The following CNBD1 variants were observed in gnomAD, a reference collection of about 807,000 sequenced individuals.
CNBD1 encodes the protein cyclic nucleotide binding domain containing 1.
In CNBD1, 71 loss-of-function variants were observed where a neutral mutation model predicts 54.4. The observed-to-expected ratio is 1.30, with a 90% confidence interval of 1.08 to 1.59. The LOEUF (loss-of-function observed/expected upper bound fraction) is 1.59, where lower values mean the gene tolerates loss of function less well. Among genes scored for constraint, CNBD1 ranks in the 40% most tolerant of loss-of-function variants. The pLI is 0.00. For synonymous variants in CNBD1, 182 were observed against 170.7 expected (o/e 1.07, Z -0.51); for missense variants, 659 against 518.0 (o/e 1.27, Z -2.64).
intron 10 of CNBD1, among the ~76,000 whole-genome samples, chr8:87,371,575 G>A (rs1563574247): frequency 1.3e-5 from 2 of 151,922 alleles, no homozygotes; most frequent in South Asian, 2.1e-4. Context: ...TAACATTGAT[G>A]CAGAAATCCT....
intron 6 of CNBD1, among the ~76,000 whole-genome samples, chr8:87,258,683 C>A (rs1435779039): frequency 1.3e-5 from 2 of 152,100 alleles, no homozygotes; most frequent in African/African-American, 4.8e-5. Flanking sequence ...ATGTCAACCC[C>A]AATTTTCAGT....
intron 10 of CNBD1, among the ~76,000 whole-genome samples, chr8:87,354,675 T>A (rs547694645): frequency 6.6e-6 from 1 of 151,950 alleles, no homozygotes; most frequent in Non-Finnish European, 1.5e-5. Flanking sequence ...TTTGTCCTTG[T>A]GATAGTTTGC....
intron 3 of CNBD1, among the ~76,000 whole-genome samples, chr8:86,937,165 G>A (rs1809563912): frequency 6.6e-6 from 1 of 152,146 alleles, no homozygotes; most frequent in African/African-American, 2.4e-5. Flanking sequence ...CATCTTACAT[G>A]GCAGCAGGCA....
chr8:87,026,103 A>G lies in CNBD1; in HGVS notation c.431+86349A>G, dbSNP rs190323614. 6.6e-5 allele frequency among the ~76,000 whole-genome samples: 10 copies of G among 152,234 alleles called. No homozygotes were observed. The East Asian group carries it at 1.9e-3, about 29-fold the overall frequency. ...GGTCAAATGTTTTGCTTATTTTTTG[A>G]ATTAGAAGAAATAAATGCCACAGAA... On this transcript the variant is annotated intron_variant, in intron 4 of 10. Transcript: ENST00000518476.
intron 8 of CNBD1, among the ~76,000 whole-genome samples, chr8:87,327,348 G>A (rs993747110): frequency 1.1e-4 from 16 of 150,982 alleles, no homozygotes; most frequent in South Asian, 2.1e-4. Context: ...CGAGCTTCCC[G>A]GCTGCTTTGT....
chr8:87,295,153 C>T (rs187314708), intron 8 of CNBD1, among the ~76,000 whole-genome samples: 2 of 151,836 alleles, frequency 1.3e-5, no homozygotes, highest in East Asian at 1.9e-4. Context: ...ACCAGAGAAG[C>T]TTTAATAATT....
intron 5 of CNBD1, among the ~76,000 whole-genome samples, chr8:87,222,154 C>T (rs185924601): frequency 4.6e-5 from 7 of 151,910 alleles, no homozygotes; most frequent in South Asian, 2.1e-4. Flanking sequence ...CATCTAAGGG[C>T]CTGAGAAGAA....
At chr8:87,400,221 G>T (rs1178834743) in intron 2 of CNBD1, among the ~76,000 whole-genome samples, 1 of 151,920 alleles carries the variant, frequency 6.6e-6, no homozygotes, top group East Asian at 1.9e-4. Flanking sequence ...TATGGTTGGT[G>T]CAAAGGTAAT....
At chr8:86,958,578 G>C (rs59978274) in intron 4 of CNBD1, among the ~76,000 whole-genome samples, 22 of 152,126 alleles carry the variant, frequency 1.4e-4, no homozygotes, top group Non-Finnish European at 2.8e-4. Flanking sequence ...TTTACCATTA[G>C]GTAACGGCCT....
intron 4 of CNBD1, among the ~76,000 whole-genome samples, chr8:87,152,526 T>C (rs1341728402): frequency 6.6e-6 from 1 of 151,916 alleles, no homozygotes; most frequent in Non-Finnish European, 1.5e-5. Context: ...AAAGTCATCC[T>C]GGGCTGCATG....
chr8:87,052,800 G>A (rs1308937366), intron 4 of CNBD1, among the ~76,000 whole-genome samples: 2 of 152,186 alleles, frequency 1.3e-5, no homozygotes, highest in Non-Finnish European at 2.9e-5. Flanking sequence ...TCAAATACTT[G>A]GGTTACTTTT....
At chr8:87,079,835 AT>A (rs1810950099) in intron 4 of CNBD1, among the ~76,000 whole-genome samples, 1 of 152,100 alleles carries the variant, frequency 6.6e-6, no homozygotes, top group Admixed American at 6.5e-5. Context: ...ATAAAGTTTA[AT>A]TTTTCAGGGT....
chr8:87,300,069 A>G (rs189667218), intron 8 of CNBD1, among the ~76,000 whole-genome samples: 1 of 152,332 alleles, frequency 6.6e-6, no homozygotes. Context: ...TTAACCTGGC[A>G]AATGTTAACA....
chr8:87,407,345 C>G (rs549144224), intron 2 of CNBD1, among the ~76,000 whole-genome samples: 2 of 151,730 alleles, frequency 1.3e-5, no homozygotes. Context: ...GTACTCAGTA[C>G]TTAGTTTATT....
At chr8:87,061,811 A>T (rs537821007) in intron 4 of CNBD1, among the ~76,000 whole-genome samples, 2 of 152,334 alleles carry the variant, frequency 1.3e-5, no homozygotes, top group South Asian at 2.1e-4. Flanking sequence ...TAGTTATTTT[A>T]AAAAAGGAGC....
At chr8:87,035,093 A>G (rs1160206451) in intron 4 of CNBD1, among the ~76,000 whole-genome samples, 6 of 152,030 alleles carry the variant, frequency 3.9e-5, no homozygotes, top group South Asian at 4.1e-4. Flanking sequence ...ATATTATTTT[A>G]TTGTCTTTTG....
At chr8:87,247,014 A>G (rs981382580) in intron 6 of CNBD1, among the ~76,000 whole-genome samples, 2 of 152,098 alleles carry the variant, frequency 1.3e-5, no homozygotes, top group African/African-American at 4.8e-5. Context: ...AGTCTACTCC[A>G]TAATCTCGTT....
chr8:86,965,083 TTGTC>T (rs1269750265), intron 4 of CNBD1, among the ~76,000 whole-genome samples: 2 of 152,318 alleles, frequency 1.3e-5, no homozygotes, highest in Non-Finnish European at 2.9e-5. Flanking sequence ...ATACTTTTCT[TTGTC>T]TGTGCTACTC....
chr8:87,377,430 A>G (rs1810972271), intron 10 of CNBD1, among the ~76,000 whole-genome samples: 1 of 151,086 alleles, frequency 6.6e-6, no homozygotes, highest in Non-Finnish European at 1.5e-5. Flanking sequence ...GCGATAGTTT[A>G]TTGAGAATGA....
Sources: allele counts gnomAD v4.1 joint callset (sites outside exome capture counted in the v4.1 genomes callset), GRCh38; gene constraint gnomAD v4.1.1; transcripts MANE v1.5; gene names NCBI Gene and HGNC (gene_info 2026-07-23, HGNC 2026-07-21).